Variants in ATP9B observed in about 807,000 individuals in gnomAD.
ATP9B encodes ATPase phospholipid transporting 9B, also known as probable phospholipid-transporting ATPase IIB.
In ATP9B, 110 loss-of-function variants were observed where a neutral mutation model predicts 146.1. The ratio of observed to expected loss-of-function variants is 0.75; its 90% CI spans 0.65 to 0.88. ATP9B has a LOEUF of 0.88. Ranked by LOEUF, ATP9B falls within the 40% of genes least tolerant of loss-of-function variation. The probability of loss-of-function intolerance (pLI) is 0.00; values close to 1 mark genes in which losing one functional copy is unlikely to be tolerated. For synonymous variants in ATP9B, 604 were observed against 569.7 expected, an observed-to-expected ratio of 1.06 and a Z score of -0.86; for missense variants, 1,499 against 1,496.4, an observed-to-expected ratio of 1.00 and a Z score of -0.03.
chr18:79,316,341 G>A (rs755169202), intron 15 of ATP9B, among the ~76,000 whole-genome samples: 10 of 152,134 alleles, frequency 6.6e-5, no homozygotes, highest in East Asian at 1.9e-4. Flanking sequence ...TCCACCCGCC[G>A]CCTGAATGTG....
chr18:79,167,896 C>T (rs73486150), intron 7 of ATP9B, among the ~76,000 whole-genome samples: 1,347 of 114,210 alleles, frequency 0.012, 18 homozygotes, highest in African/African-American at 0.055. Context: ...GTATGGTTCC[C>T]AGGCTGTTTG....
chr18:79,300,242 G>T (rs2096581619), intron 13 of ATP9B, among the ~76,000 whole-genome samples: 1 of 152,182 alleles, frequency 6.6e-6, no homozygotes, highest in Non-Finnish European at 1.5e-5. Context: ...GTTGAATCCA[G>T]AAAGTGAGGA....
In ATP9B at chr18:79,175,939, A is replaced by G. The variant is rs567575189; in HGVS notation, c.779-874A>G. Reference sequence around the variant, plus strand: ...ATAGAGATCTGTATGGACGTATACAAATTCTCTCTCCTCCCTCCCTTGTTC... The same window carrying G: ...ATAGAGATCTGTATGGACGTATACAGATTCTCTCTCCTCCCTCCCTTGTTC... On this transcript the variant is annotated intron_variant, in intron 7 of 29. Coordinates refer to ENST00000426216, the MANE Select transcript of ATP9B (RefSeq NM_198531.5). Among the ~76,000 whole-genome samples the G allele has an allele frequency of 1.2e-4, 19 of 152,274 alleles. No homozygotes were observed. The South Asian group carries it at 2.1e-3, about 17-fold the overall frequency.
intron 14 of ATP9B, among the ~76,000 whole-genome samples, chr18:79,306,172 G>C (rs150054782): frequency 1.3e-5 from 2 of 152,232 alleles, no homozygotes; most frequent in African/African-American, 4.8e-5. Context: ...CAGTCCAAGC[G>C]TGAGAGCCTT....
rs780579116 is a variant in ATP9B at position 79,337,312 on chromosome 18, G to A, written c.2146G>A (p.Asp716Asn). The change falls in exon 19 of 30, where the codon GAC becomes AAC. Residue 716 changes from aspartate (D) to asparagine (N), a missense_variant. By Grantham distance (23) the Asp-to-Asn change is conservative. Coordinates refer to ENST00000426216, the MANE Select transcript of ATP9B (RefSeq NM_198531.5). The stretch of plus-strand genomic sequence containing the variant: ...CACTCAAGCCAAGCTGAGCATGCAC[G>A]ACAGGTCCCTCAAGGTGGCCGCGGT... ...RYTQAKLSMH[D>N]RSLKVAAVVE... is the part of the protein sequence containing the mutation. 18 of 1,614,068 alleles carry A rather than the reference G, an allele frequency of 1.1e-5. No homozygotes were observed. Among genetic ancestry groups the A allele is most frequent in the East Asian group, 2.2e-5 (1 of 44,886 alleles).
intron 7 of ATP9B, among the ~76,000 whole-genome samples, chr18:79,165,105 C>G (rs757159001): frequency 6.6e-6 from 1 of 152,204 alleles, no homozygotes; most frequent in Admixed American, 6.5e-5. Flanking sequence ...CAGGCTTTCA[C>G]GTATTTTCCC....
intron 11 of ATP9B, among the ~76,000 whole-genome samples, chr18:79,223,091 A>C (rs1283114471): frequency 6.6e-6 from 1 of 152,202 alleles, no homozygotes; most frequent in African/African-American, 2.4e-5. Flanking sequence ...ATGCTTTCAG[A>C]TGTCTCATTG....
At chr18:79,194,299 C>T (rs899002423) in intron 9 of ATP9B, 1 of 152,148 alleles carries the variant, frequency 6.6e-6, no homozygotes, top group African/African-American at 2.4e-5. Flanking sequence ...TATGTAACCA[C>T]TATTAAGAAT....
chr18:79,087,512 T>C (rs1447884344), intron 1 of ATP9B: 1 of 152,258 alleles, frequency 6.6e-6, no homozygotes, highest in African/African-American at 2.4e-5. Flanking sequence ...TTTTGCTTTG[T>C]TTTTCTACTT....
At chr18:79,375,461 A>T (rs775583581) in intron 29 of ATP9B, 35 bp downstream of exon 29, 10 of 1,600,360 alleles carry the variant, frequency 6.2e-6, no homozygotes, top group Non-Finnish European at 8.5e-6. Context: ...AAAAGTGTAG[A>T]AATTTAGCCA....
chr18:79,115,417 C>T (rs534887099), intron 4 of ATP9B: 1 of 139,280 alleles, frequency 7.2e-6, no homozygotes, highest in African/African-American at 3.0e-5. Flanking sequence ...TTGGAAAAAA[C>T]TACTTTACAG....
intron 10 of ATP9B, among the ~76,000 whole-genome samples, chr18:79,210,947 G>A (rs1427099188): frequency 6.6e-6 from 1 of 152,082 alleles, no homozygotes; most frequent in Non-Finnish European, 1.5e-5. Flanking sequence ...GATAACTTAA[G>A]GCCATTAATT....
chr18:79,270,212 A>G (rs923752114), intron 12 of ATP9B, among the ~76,000 whole-genome samples: 1 of 151,912 alleles, frequency 6.6e-6, no homozygotes, highest in East Asian at 1.9e-4. Flanking sequence ...TCCTTTCACA[A>G]TCCTGGCATA....
rs558508118 is a variant in ATP9B, at chr18:79,110,473, C to A, written c.412C>A (p.Gln138Lys). The A allele has an allele frequency of 3.7e-6, 6 of 1,613,054 alleles. No individual in the cohort carries two copies. The highest frequency in any genetic ancestry group is 2.2e-5 in the South Asian group (2 of 90,986). Residue 138 changes from glutamine to lysine, a missense_variant, in exon 3 of 30, where the codon CAA becomes AAA. Gln to Lys is a moderately conservative substitution (Grantham distance 53). Coordinates refer to ENST00000426216, the MANE Select transcript of ATP9B (RefSeq NM_198531.5). The part of the protein sequence containing the change: ...EKHPRNSIKN[Q>K]KYNVFTFIPG... Reference sequence around the variant, plus strand: ...ACATCCCAGGAATTCTATAAAAAATCAAAAATACAATGTGTTTACCTTTAT... The same window carrying A: ...ACATCCCAGGAATTCTATAAAAAATAAAAAATACAATGTGTTTACCTTTAT...
chr18:79,246,703 C>T (rs547407936), intron 11 of ATP9B, among the ~76,000 whole-genome samples: 1 of 152,226 alleles, frequency 6.6e-6, no homozygotes. Flanking sequence ...TCGCGCTCCC[C>T]CTGCTGGCCG....
intron 7 of ATP9B, among the ~76,000 whole-genome samples, chr18:79,176,166 G>C (rs897861454): frequency 6.6e-6 from 1 of 152,066 alleles, no homozygotes; most frequent in Non-Finnish European, 1.5e-5. Context: ...ACAGTCTTCT[G>C]TTATTATAAA....
chr18:79,104,686 C>T (rs564633325), intron 2 of ATP9B, among the ~76,000 whole-genome samples: 2 of 151,910 alleles, frequency 1.3e-5, no homozygotes, highest in African/African-American at 2.4e-5. Flanking sequence ...CAAAAACACC[C>T]GTGTTTGCGG....
intron 27 of ATP9B, among the ~76,000 whole-genome samples, chr18:79,373,290 ATATAT>A (rs2097083288): frequency 1.3e-5 from 2 of 152,222 alleles, no homozygotes; most frequent in South Asian, 4.1e-4. Context: ...AACAGATCAG[ATATAT>A]TAATTACATG....
rs2096299996 is a variant in ATP9B at position 79,275,659 on chromosome 18, G to C, written c.1269-1395G>C. On this transcript the variant is annotated intron_variant, in intron 12 of 29. Coordinates refer to ENST00000426216, the MANE Select transcript of ATP9B (RefSeq NM_198531.5). ...TTGTAGGCGTCAGCATGGCCAGCCA[G>C]CACTCCTCGCCAGGGAGCTGCAGCC... 2.0e-5 allele frequency among the ~76,000 whole-genome samples: 3 copies of C among 152,266 alleles called. 1 individual carries two copies. In the South Asian group the frequency reaches 6.2e-4, roughly 31 times the overall value.
Sources: allele counts gnomAD v4.1 joint callset (sites outside exome capture counted in the v4.1 genomes callset), GRCh38; gene constraint gnomAD v4.1.1; transcripts MANE v1.5; gene names NCBI Gene and HGNC (gene_info 2026-07-23, HGNC 2026-07-21).